Variants in NFIB observed in about 807,000 individuals in gnomAD.
NFIB encodes the protein nuclear factor 1 B-type.
A neutral mutation model predicts 61.5 loss-of-function variants in NFIB; 11 were observed. The observed-to-expected ratio is 0.18, with a 90% confidence interval of 0.11 to 0.30. The LOEUF is 0.30. Ranked by LOEUF, NFIB falls within the 10% of genes least tolerant of loss-of-function variation. The pLI is 1.00. For missense variants in NFIB, 471 were observed against 608.9 expected, an observed-to-expected ratio of 0.77 and a Z score of 2.38; for synonymous variants, 260 against 216.5, an observed-to-expected ratio of 1.20 and a Z score of -1.76.
At chr9:14,272,473 T>C (rs1255568525) in intron 2 of NFIB, among the ~76,000 whole-genome samples, 1 of 152,132 alleles carries the variant, frequency 6.6e-6, no homozygotes, top group Non-Finnish European at 1.5e-5. Context: ...CTGAAAATGT[T>C]TGCAGCTATA....
At chr9:14,522,296 G>A in the NFIB span, among the ~76,000 whole-genome samples, 1 of 151,492 alleles carries the variant, frequency 6.6e-6, no homozygotes, top group Non-Finnish European at 1.5e-5. Context: ...GCGTTTATGT[G>A]TGTAAACTAA....
chr9:14,468,395 C>G, the NFIB span, among the ~76,000 whole-genome samples: 1 of 152,168 alleles, frequency 6.6e-6, no homozygotes, highest in Non-Finnish European at 1.5e-5. Flanking sequence ...GGAAGGGGGT[C>G]ATTTCCAACA....
At chr9:14,492,380 A>AAATG in the NFIB span, among the ~76,000 whole-genome samples, 1 of 151,326 alleles carries the variant, frequency 6.6e-6, no homozygotes, top group Non-Finnish European at 1.5e-5. Flanking sequence ...ATAAATAAAT[A>AAATG]AATAAATAAA....
chr9:14,409,546 T>TA, the NFIB span, among the ~76,000 whole-genome samples: 1 of 152,150 alleles, frequency 6.6e-6, no homozygotes, highest in African/African-American at 2.4e-5. Flanking sequence ...GGAGTACTTC[T>TA]AGGGTTAGAG....
the NFIB span, among the ~76,000 whole-genome samples, chr9:14,418,576 G>C: frequency 6.6e-6 from 1 of 152,188 alleles, no homozygotes; most frequent in African/African-American, 2.4e-5. Flanking sequence ...CATCCTACCA[G>C]CTGCAGAGTC....
chr9:14,483,674 C>T, the NFIB span, among the ~76,000 whole-genome samples: 1 of 152,164 alleles, frequency 6.6e-6, no homozygotes, highest in Admixed American at 6.5e-5. Context: ...GGAAGTTACC[C>T]AGTGAGTGTT....
the NFIB span, among the ~76,000 whole-genome samples, chr9:14,427,945 T>TTTTTTG: frequency 1.1e-5 from 1 of 94,498 alleles, no homozygotes; most frequent in African/African-American, 4.6e-5. Flanking sequence ...TTGTTTTTTT[T>TTTTTTG]TTTTTTTTTT....
At chr9:14,310,464 C>G (rs776480017) in intron 1 of NFIB, among the ~76,000 whole-genome samples, 1 of 152,130 alleles carries the variant, frequency 6.6e-6, no homozygotes, top group African/African-American at 2.4e-5. Flanking sequence ...CCAAGTGTGA[C>G]TGTTTCCTAA....
At chr9:14,365,235 C>T (rs1237400208) in intron 1 of NFIB, among the ~76,000 whole-genome samples, 1 of 152,228 alleles carries the variant, frequency 6.6e-6, no homozygotes, top group African/African-American at 2.4e-5. Flanking sequence ...TTTGTCATCT[C>T]TAAAATAAGA....
the NFIB span, among the ~76,000 whole-genome samples, chr9:14,406,409 C>A: frequency 2.6e-5 from 4 of 152,176 alleles, no homozygotes; most frequent in African/African-American, 7.2e-5. Context: ...TTACAGATAG[C>A]TGGGCCATGG....
At chr9:14,218,909 A>T (rs1415081803) in intron 2 of NFIB, among the ~76,000 whole-genome samples, 4 of 152,194 alleles carry the variant, frequency 2.6e-5, no homozygotes, top group Non-Finnish European at 5.9e-5. Flanking sequence ...TTACTCTTCG[A>T]AGTACCACAT....
chr9:14,306,591 C>T (rs1027128294), intron 2 of NFIB, among the ~76,000 whole-genome samples: 2 of 151,760 alleles, frequency 1.3e-5, no homozygotes, highest in Admixed American at 6.6e-5. Flanking sequence ...GATGGTTTGG[C>T]TATTCATAAA....
upstream of NFIB, among the ~76,000 whole-genome samples, chr9:14,315,976 C>T (rs1422371930): frequency 2.0e-5 from 3 of 152,022 alleles, no homozygotes; most frequent in Admixed American, 6.5e-5. Flanking sequence ...GAGGCTCGCC[C>T]CCGATTCCCC....
At chr9:14,101,917 G>A (rs527751989) in intron 10 of NFIB, among the ~76,000 whole-genome samples, 126 of 152,122 alleles carry the variant, frequency 8.3e-4, no homozygotes, top group African/African-American at 2.7e-3. Context: ...AAATTTATGG[G>A]TGCTGTCAAT....
At chr9:14,128,022 GT>G (rs1260609227) in intron 6 of NFIB, among the ~76,000 whole-genome samples, 18 of 151,260 alleles carry the variant, frequency 1.2e-4, no homozygotes, top group Non-Finnish European at 8.8e-5. Context: ...TTAAACCATG[GT>G]TTAAAAAATA....
At chr9:14,277,872 G>C (rs1588087339) in intron 2 of NFIB, among the ~76,000 whole-genome samples, 1 of 152,240 alleles carries the variant, frequency 6.6e-6, no homozygotes, top group South Asian at 2.1e-4. Context: ...TACCTAAAGA[G>C]ATAAAAGGTC....
At chr9:14,319,464 T>C (rs575867374) in intron 1 of NFIB, among the ~76,000 whole-genome samples, 1 of 152,362 alleles carries the variant, frequency 6.6e-6, no homozygotes, top group Non-Finnish European at 1.5e-5. Flanking sequence ...GCCTCACTTA[T>C]CCACAATGTT....
intron 2 of NFIB, among the ~76,000 whole-genome samples, chr9:14,214,543 C>G (rs1023306860): frequency 6.6e-6 from 1 of 152,210 alleles, no homozygotes; most frequent in Non-Finnish European, 1.5e-5. Flanking sequence ...AGAAAAGTCA[C>G]GCTTTCCTCT....
the NFIB span, among the ~76,000 whole-genome samples, chr9:14,462,610 G>A: frequency 6.6e-6 from 1 of 152,064 alleles, no homozygotes; most frequent in South Asian, 2.1e-4. Flanking sequence ...ATCCATCACT[G>A]GAGTCTTCCA....
Sources: gnomAD v4.1 joint callset for allele counts (sites outside exome capture counted in the v4.1 genomes callset) on GRCh38, gnomAD v4.1.1 for gene constraint, MANE v1.5 for transcripts, NCBI Gene and HGNC (gene_info 2026-07-23, HGNC 2026-07-21) for gene names.